The following MYLK variants were observed in gnomAD, a reference collection of about 807,000 sequenced individuals.
The protein encoded by MYLK is myosin light chain kinase, smooth muscle.
MYLK carries 106 observed loss-of-function variants against 203.4 expected under a neutral mutation model. The observed-to-expected ratio is 0.52, with a 90% CI of 0.45 to 0.61. The LOEUF (loss-of-function observed/expected upper bound fraction) is 0.61. MYLK is among the 20% of genes least tolerant of loss of function. The probability of loss-of-function intolerance (pLI) is 0.00; values close to 1 mark genes in which losing one functional copy is unlikely to be tolerated. For synonymous variants in MYLK, 867 were observed against 959.5 expected, an observed-to-expected ratio of 0.90 and a Z score of 1.78; for missense variants, 2,072 against 2,442.3, an observed-to-expected ratio of 0.85 and a Z score of 3.20.
intron 2 of MYLK, among the ~76,000 whole-genome samples, chr3:123,840,879 T>C (rs2066575555): frequency 6.6e-6 from 1 of 150,440 alleles, no homozygotes; most frequent in South Asian, 2.1e-4. Flanking sequence ...GCAACTGCTT[T>C]AGTCTGAATG....
chr3:123,871,002 G>A (rs2148709820), intron 2 of MYLK, among the ~76,000 whole-genome samples: 1 of 152,220 alleles, frequency 6.6e-6, no homozygotes, highest in South Asian at 2.1e-4. Flanking sequence ...CTGTCAGGGT[G>A]GGAAGACCAG....
chr3:123,806,229 G>A (rs1219723045), intron 3 of MYLK, among the ~76,000 whole-genome samples: 3 of 152,168 alleles, frequency 2.0e-5, no homozygotes, highest in Non-Finnish European at 4.4e-5. Context: ...GAATGTCAGC[G>A]ATGAAAGAGA....
intron 10 of MYLK, 48 bp from the exon 11 acceptor site, chr3:123,733,150 C>G (rs762373783): frequency 1.9e-6 from 3 of 1,585,616 alleles, no homozygotes; most frequent in South Asian, 1.1e-5. Context: ...CTGGAGAGCA[C>G]CCTGTGATTG....
chr3:123,701,352 A>G, intron 17 of MYLK, 86 bp downstream of exon 17: 2 of 1,377,988 alleles, frequency 1.5e-6, no homozygotes, highest in Non-Finnish European at 2.1e-6. Flanking sequence ...CAAACAATCT[A>G]GGGCTGCTGG....
At chr3:123,653,104 G>A (rs1295654614) in intron 24 of MYLK, among the ~76,000 whole-genome samples, 1 of 152,108 alleles carries the variant, frequency 6.6e-6, no homozygotes, top group Non-Finnish European at 1.5e-5. Context: ...TGGTAGTGGT[G>A]AAGGTCAGAG....
At chr3:123,687,687 T>G (rs2060510140) in intron 19 of MYLK, among the ~76,000 whole-genome samples, 1 of 148,112 alleles carries the variant, frequency 6.8e-6, no homozygotes. Flanking sequence ...TTCTTCTTTT[T>G]TTTTGACAGG....
At chr3:123,861,416 T>A (rs1232815136) in intron 2 of MYLK, among the ~76,000 whole-genome samples, 3 of 152,156 alleles carry the variant, frequency 2.0e-5, no homozygotes, top group African/African-American at 7.2e-5. Context: ...CCTCATGGGG[T>A]CATCATAAGG....
chr3:123,849,172 C>T (rs145100765), intron 2 of MYLK, among the ~76,000 whole-genome samples: 28 of 152,138 alleles, frequency 1.8e-4, no homozygotes, highest in African/African-American at 1.4e-4. Flanking sequence ...GGCAGGGTGT[C>T]GCCATGTTGC....
rs1215314132 is a variant in MYLK, at chr3:123,876,635, G to A, written c.-185-18C>T. 7 of 152,064 alleles carry A rather than the reference G, an allele frequency of 4.6e-5. No individual in the cohort carries two copies. The highest frequency in any genetic ancestry group is 1.0e-4 in the Non-Finnish European group (7 of 68,014). 9.4% of individuals were successfully genotyped at this position (152,064 alleles called of 1,614,324 possible). ...AATCCTTCCTAATACACAAATCAAAGAAATAATAGAAACAATTACATAGTG... is the reference window on the plus strand; with the variant it reads ...AATCCTTCCTAATACACAAATCAAAAAAATAATAGAAACAATTACATAGTG... On this transcript the variant is annotated intron_variant, in intron 1 of 33. Transcript: ENST00000360304.
At chr3:123,725,121 C>T (rs2062234424) in intron 12 of MYLK, among the ~76,000 whole-genome samples, 1 of 152,146 alleles carries the variant, frequency 6.6e-6, no homozygotes, top group South Asian at 2.1e-4. Flanking sequence ...ACCCTATCTT[C>T]TCATAGATAA....
intron 16 of MYLK, among the ~76,000 whole-genome samples, chr3:123,705,976 T>C (rs112186754): frequency 9.2e-5 from 14 of 152,280 alleles, no homozygotes; most frequent in Non-Finnish European, 1.5e-4. Context: ...GCGTGTACCT[T>C]CTCCCCATTT....
chr3:123,704,514 G>A (rs1338098157), intron 16 of MYLK, among the ~76,000 whole-genome samples: 1 of 152,172 alleles, frequency 6.6e-6, no homozygotes, highest in East Asian at 1.9e-4. Context: ...ACTAAGCTCT[G>A]AATAAGAGTT....
At chr3:123,620,105 AAAAT>A in intron 32 of MYLK, 98 bp downstream of exon 32, 8 of 999,132 alleles carry the variant, frequency 8.0e-6, no homozygotes, top group African/African-American at 6.5e-5. Flanking sequence ...AGGGAATATT[AAAAT>A]AAAAAAAAAA....
At chr3:123,809,075 C>G (rs2065467092) in intron 3 of MYLK, among the ~76,000 whole-genome samples, 1 of 152,144 alleles carries the variant, frequency 6.6e-6, no homozygotes, top group African/African-American at 2.4e-5. Context: ...CACATAATCA[C>G]AGAACTCAGA....
At chr3:123,739,172 A>G in intron 6 of MYLK, 110 bp from the exon 7 acceptor site, 2 of 1,266,778 alleles carry the variant, frequency 1.6e-6, no homozygotes, top group Non-Finnish European at 2.2e-6. Flanking sequence ...ATCAAAGTGT[A>G]GCCTTCCCAA....
chr3:123,792,568 C>T (rs967813621), intron 4 of MYLK, among the ~76,000 whole-genome samples: 2 of 152,096 alleles, frequency 1.3e-5, no homozygotes, highest in Admixed American at 6.6e-5. Flanking sequence ...TGGCTTCTTT[C>T]GCTTAGCATA....
chr3:123,689,120 G>T (rs2060568635), intron 19 of MYLK, among the ~76,000 whole-genome samples: 1 of 152,162 alleles, frequency 6.6e-6, no homozygotes, highest in South Asian at 2.1e-4. Flanking sequence ...TCACAATCAT[G>T]CATGACCCTC....
At chr3:123,628,410 C>T (rs1234859699) in intron 30 of MYLK, among the ~76,000 whole-genome samples, 1 of 152,210 alleles carries the variant, frequency 6.6e-6, no homozygotes, top group African/African-American at 2.4e-5. Context: ...CGCCCTGGAG[C>T]CAGGCCCCTC....
chr3:123,716,012 A>G (rs1311892898), intron 13 of MYLK: 2 of 152,210 alleles, frequency 1.3e-5, no homozygotes, highest in Admixed American at 6.5e-5. Flanking sequence ...GCAAAATGCC[A>G]TTCCAACAGC....
Sources: gnomAD v4.1 joint callset for allele counts (sites outside exome capture counted in the v4.1 genomes callset) on GRCh38, gnomAD v4.1.1 for gene constraint, MANE v1.5 for transcripts, NCBI Gene and HGNC (gene_info 2026-07-23, HGNC 2026-07-21) for gene names.